Variants in TATDN3 observed in about 807,000 individuals in gnomAD.
TATDN3 encodes deoxyribonuclease TATDN3.
TATDN3 carries 29 observed loss-of-function variants against 40.1 expected under a neutral mutation model. That is an observed-to-expected ratio of 0.72 (90% confidence interval 0.54 to 0.99). TATDN3 has a LOEUF of 0.99. Ranked by LOEUF, TATDN3 falls within the 50% of genes least tolerant of loss-of-function variation. The pLI, the probability that TATDN3 is intolerant of heterozygous loss-of-function variation, is 0.00. For missense variants in TATDN3, 309 were observed against 321.9 expected, an observed-to-expected ratio of 0.96 and a Z score of 0.31; for synonymous variants, 105 against 117.0, an observed-to-expected ratio of 0.90 and a Z score of 0.66.
chr1:212,794,923 C>G (rs1341350190), intron 1 of TATDN3, 172 bp from the exon 2 acceptor site: 1 of 654,086 alleles, frequency 1.5e-6, no homozygotes, highest in Non-Finnish European at 2.8e-6. Context: ...CCAGACTTTA[C>G]TGATAGTAAG....
intron 8 of TATDN3, among the ~76,000 whole-genome samples, chr1:212,810,880 C>T (rs1459578017): frequency 2.6e-5 from 4 of 152,050 alleles, no homozygotes; most frequent in Non-Finnish European, 5.9e-5. Context: ...GGTTACTATT[C>T]TTTGGTTTCC....
intron 1 of TATDN3, chr1:212,792,882 A>T (rs1384394464): frequency 2.0e-5 from 3 of 152,056 alleles, no homozygotes; most frequent in Admixed American, 2.0e-4. Context: ...GAAACTAGAG[A>T]CTAATAATAG....
intron 4 of TATDN3, among the ~76,000 whole-genome samples, chr1:212,800,519 C>A (rs1662106123): frequency 6.6e-6 from 1 of 151,772 alleles, no homozygotes; most frequent in African/African-American, 2.4e-5. Flanking sequence ...TCTACTTGTT[C>A]CACTTTACTA....
chr1:212,801,282 G>A (rs1281355329), intron 4 of TATDN3, among the ~76,000 whole-genome samples: 2 of 151,744 alleles, frequency 1.3e-5, no homozygotes, highest in Admixed American at 1.3e-4. Context: ...TAGAACTGAG[G>A]GCAGAAATAG....
chr1:212,797,822 C>G (rs1661884287), intron 4 of TATDN3: 1 of 152,220 alleles, frequency 6.6e-6, no homozygotes, highest in South Asian at 2.1e-4. Flanking sequence ...TTAAATTGCA[C>G]TGATTTTGTA....
chr1:212,810,511 CAAA>C (rs55912631), intron 8 of TATDN3, among the ~76,000 whole-genome samples: 3 of 49,720 alleles, frequency 6.0e-5, no homozygotes, highest in African/African-American at 1.7e-4. Context: ...GACTCTGTCT[CAAA>C]AAAAAAAAAA....
At chr1:212,798,536 C>CAAAAAAAAAAAAAAAA (rs11296428) in intron 4 of TATDN3, among the ~76,000 whole-genome samples, 1 of 91,318 alleles carries the variant, frequency 1.1e-5, no homozygotes. Context: ...CTCAAAAACT[C>CAAAAAAAAAAAAAAAA]AAAAAAAAAA....
In TATDN3 at chr1:212,805,402, C is replaced by T. The variant is rs144247144; in HGVS notation, c.487+751C>T. Among the ~76,000 whole-genome samples the T allele has an allele frequency of 4.6e-3, 695 of 152,054 alleles. 3 individuals are homozygous for T. Among genetic ancestry groups the T allele is most frequent in the African/African-American group, 0.016 (667 of 41,464 alleles). ...TCCCAAGTAGCTAGCATTACAGGTG[C>T]GTGCCACCACACCCAGCTAATTTTT... On this transcript the variant is annotated intron_variant, in intron 7 of 9. Coordinates refer to ENST00000366974, the MANE Select transcript of TATDN3 (RefSeq NM_001042552.3).
intron 9 of TATDN3, among the ~76,000 whole-genome samples, 157 bp from the exon 10 acceptor site, chr1:212,814,856 C>G (rs1663097216): frequency 6.6e-6 from 1 of 152,174 alleles, no homozygotes; most frequent in Admixed American, 6.5e-5. Flanking sequence ...ATTGCAGCCA[C>G]ACCTCCCTCC....
chr1:212,804,503 A>T, intron 6 of TATDN3, 74 bp downstream of exon 6: 2 of 1,545,728 alleles, frequency 1.3e-6, no homozygotes, highest in Non-Finnish European at 1.8e-6. Context: ...CTGAAATGGA[A>T]CTCTACATTT....
intron 1 of TATDN3, 80 bp from the exon 2 acceptor site, chr1:212,795,015 C>T: frequency 6.0e-6 from 7 of 1,172,584 alleles, no homozygotes; most frequent in Non-Finnish European, 8.9e-6. Flanking sequence ...TTTGTGATGC[C>T]ACAACTACAT....
Position 212,794,076 on chromosome 1 carries a change from C to T in TATDN3, c.67-1019C>T, listed in dbSNP as rs985095480. On this transcript the variant is annotated intron_variant, in intron 1 of 9. Transcript: ENST00000366974. ...TGGGCAGATCATAAGGTTAGGAGAT[C>T]GAGACCATCCTGGCTAACATGGTGA... 4.1e-4 allele frequency among the ~76,000 whole-genome samples: 62 copies of T among 151,054 alleles called. 1 individual carries two copies. Among genetic ancestry groups the T allele is most frequent in the Non-Finnish European group, 7.4e-5 (5 of 67,736 alleles).
intron 8 of TATDN3, 49 bp from the exon 9 acceptor site, chr1:212,812,193 CTCTTTA>C (rs763465419): frequency 4.8e-5 from 54 of 1,126,136 alleles, no homozygotes; most frequent in Non-Finnish European, 6.4e-5. Flanking sequence ...CAATTTAATG[CTCTTTA>C]TCTTTATTTC....
chr1:212,791,914 G>A lies in TATDN3; in HGVS notation c.-8G>A, dbSNP rs772831638. On this transcript the variant is annotated 5_prime_UTR_variant, in exon 1 of 10. Coordinates refer to ENST00000366974, the MANE Select transcript of TATDN3 (RefSeq NM_001042552.3). ...TGGCCGGTCTAAAGCGGCAGCCGCCGGGGCGCAATGCGAGCGGCTGGCGTA... is the reference window on the plus strand; with the variant it reads ...TGGCCGGTCTAAAGCGGCAGCCGCCAGGGCGCAATGCGAGCGGCTGGCGTA... The A allele has an allele frequency of 2.5e-6, 4 of 1,613,296 alleles. No individual in the cohort carries two copies. The highest frequency in any genetic ancestry group is 2.2e-5 in the South Asian group (2 of 91,014).
chr1:212,812,426 G>C, intron 9 of TATDN3, 98 bp downstream of exon 9: 1 of 697,268 alleles, frequency 1.4e-6, no homozygotes, highest in Non-Finnish European at 2.4e-6. Flanking sequence ...AAATACAGTG[G>C]AATCCTCATA....
At chr1:212,796,330 A>C (rs1661754190) in intron 2 of TATDN3, among the ~76,000 whole-genome samples, 187 bp from the exon 3 acceptor site, 1 of 152,224 alleles carries the variant, frequency 6.6e-6, no homozygotes, top group African/African-American at 2.4e-5. Flanking sequence ...AAATTAAATG[A>C]GGCAATATTT....
intron 8 of TATDN3, 71 bp from the exon 9 acceptor site, chr1:212,812,177 G>A (rs575385415): frequency 2.1e-6 from 2 of 952,590 alleles, no homozygotes; most frequent in African/African-American, 1.7e-5. Flanking sequence ...TGCATTATTA[G>A]TATGTCAATT....
chr1:212,803,807 G>A (rs995216383), intron 5 of TATDN3, among the ~76,000 whole-genome samples: 4 of 151,774 alleles, frequency 2.6e-5, no homozygotes, highest in Admixed American at 2.0e-4. Flanking sequence ...AGGCTAAGGC[G>A]GGCTGATCAC....
intron 5 of TATDN3, 150 bp from the exon 6 acceptor site, chr1:212,804,170 A>G: frequency 1.9e-6 from 1 of 532,014 alleles, no homozygotes; most frequent in Non-Finnish European, 3.4e-6. Flanking sequence ...TTTTGTGAAT[A>G]TTTTTAATGT....
Sources: gnomAD v4.1 joint callset for allele counts (sites outside exome capture counted in the v4.1 genomes callset) on GRCh38, gnomAD v4.1.1 for gene constraint, MANE v1.5 for transcripts, NCBI Gene and HGNC (gene_info 2026-07-23, HGNC 2026-07-21) for gene names.